CYP4X1: variants seen among roughly 807,000 people sequenced by gnomAD.
CYP4X1 encodes the protein cytochrome P450 4X1.
A neutral mutation model predicts 57.9 loss-of-function variants in CYP4X1; 44 were observed. That is an observed-to-expected ratio of 0.76 (90% CI 0.60 to 0.98). The LOEUF (loss-of-function observed/expected upper bound fraction) is 0.98. Ranked by LOEUF, CYP4X1 falls within the 50% of genes least tolerant of loss-of-function variation. The probability of loss-of-function intolerance (pLI) is 0.00; values close to 1 mark genes in which losing one functional copy is unlikely to be tolerated. For synonymous variants in CYP4X1, 227 were observed against 228.6 expected, an observed-to-expected ratio of 0.99 and a Z score of 0.06; for missense variants, 532 against 623.9, an observed-to-expected ratio of 0.85 and a Z score of 1.57.
chr1:46,977,383 A>G, the CYP4X1 span, among the ~76,000 whole-genome samples: 1 of 152,150 alleles, frequency 6.6e-6, no homozygotes, highest in African/African-American at 2.4e-5. Context: ...TCAGTGATTG[A>G]AGATCAAATT....
the CYP4X1 span, chr1:46,967,814 T>C: frequency 7.4e-7 from 1 of 1,344,510 alleles, no homozygotes; most frequent in Non-Finnish European, 9.8e-7. Flanking sequence ...CGGAGCAGGG[T>C]CAGGGCCATG....
chr1:46,986,794 A>T, the CYP4X1 span, among the ~76,000 whole-genome samples: 2 of 150,776 alleles, frequency 1.3e-5, no homozygotes, highest in African/African-American at 2.4e-5. Flanking sequence ...TCATAAGTGA[A>T]GGAGAAATAA....
the CYP4X1 span, among the ~76,000 whole-genome samples, chr1:46,980,543 C>T: frequency 6.6e-6 from 1 of 152,118 alleles, no homozygotes; most frequent in African/African-American, 2.4e-5. Flanking sequence ...GTGAAAATGG[C>T]CATACTGCCC....
At chr1:47,024,966 A>G (rs546307831) in intron 1 of CYP4X1, among the ~76,000 whole-genome samples, 80 of 152,334 alleles carry the variant, frequency 5.3e-4, no homozygotes, top group African/African-American at 1.9e-3. Context: ...TTTGTAAAAT[A>G]GTATTACCAT....
At position 47,023,675 on chromosome 1, in the gene CYP4X1, T is replaced by C. The variant is rs1016295112; in HGVS notation, c.-143T>C. ...GGCCTGAGCTGCCCCTCCCACTGCC[T>C]TTCCTTCTTCCCGCGAGTCAGAAGC... On this transcript the variant is annotated 5_prime_UTR_variant, in exon 1 of 12. Transcript: ENST00000371901. 8.4e-6 allele frequency: 12 copies of C among 1,426,228 alleles called. No individual in the cohort carries two copies. The Admixed American group carries it at 2.3e-4, about 27-fold the overall frequency. The allele number at this position is 1,426,228 out of a possible 1,614,324, so 88.3% of individuals were successfully genotyped here. A position where few individuals can be genotyped will look rare whatever the true frequency, so the allele number is the denominator to read the frequency against.
chr1:47,037,240 G>A (rs889879145), intron 6 of CYP4X1, among the ~76,000 whole-genome samples: 2 of 147,602 alleles, frequency 1.4e-5, no homozygotes, highest in African/African-American at 2.5e-5. Context: ...AATATTAAAT[G>A]TTAAATTTAT....
At chr1:47,054,770 G>T (rs1417272327), downstream of CYP4X1, among the ~76,000 whole-genome samples, 6 of 152,178 alleles carry the variant, frequency 3.9e-5, no homozygotes, top group Admixed American at 2.0e-4. Flanking sequence ...CATTGATTTT[G>T]TATCCTGAGA....
At chr1:47,052,718 T>G (rs2202219), downstream of CYP4X1, among the ~76,000 whole-genome samples, 63,557 of 151,914 alleles carry the variant, frequency 0.42, 14,636 homozygotes, top group East Asian at 0.97. Context: ...GAAAACAAAT[T>G]GTGTTTGCCC....
chr1:46,971,259 C>T, the CYP4X1 span, among the ~76,000 whole-genome samples: 1 of 152,154 alleles, frequency 6.6e-6, no homozygotes, highest in African/African-American at 2.4e-5. Context: ...TGATCTCATT[C>T]TTTTTATGGC....
the CYP4X1 span, among the ~76,000 whole-genome samples, chr1:47,011,153 A>G: frequency 2.0e-5 from 3 of 152,248 alleles, no homozygotes; most frequent in Admixed American, 2.0e-4. Flanking sequence ...TCTGACTTCA[A>G]GCTATACTAC....
At chr1:47,019,145 T>C (rs1364705957), upstream of CYP4X1, among the ~76,000 whole-genome samples, 4 of 152,248 alleles carry the variant, frequency 2.6e-5, no homozygotes, top group Admixed American at 6.5e-5. Context: ...TAAAGACATA[T>C]GTGATTAACT....
the CYP4X1 span, among the ~76,000 whole-genome samples, chr1:46,963,110 A>G: frequency 1.3e-5 from 2 of 152,050 alleles, no homozygotes; most frequent in Non-Finnish European, 2.9e-5. Context: ...TGTTTGGTAG[A>G]TCTTCCTCCA....
At chr1:47,045,756 A>T (rs567046598) in intron 8 of CYP4X1, among the ~76,000 whole-genome samples, 1 of 152,120 alleles carries the variant, frequency 6.6e-6, no homozygotes, top group African/African-American at 2.4e-5. Context: ...TCAAGAGGAA[A>T]CTCCCTTTCT....
In CYP4X1 at chr1:47,023,678, C is replaced by A; in HGVS notation, c.-140C>A. 7.0e-7 allele frequency: 1 copy of A among 1,427,554 alleles called. No individual in the cohort carries two copies. The highest frequency in any genetic ancestry group is 9.1e-7 in the Non-Finnish European group (1 of 1,094,084). The allele number at this position is 1,427,554 out of a possible 1,614,324, so 88.4% of individuals were successfully genotyped here. A position where few individuals can be genotyped will look rare whatever the true frequency, so the allele number is the denominator to read the frequency against. The stretch of plus-strand genomic sequence containing the variant: ...CTGAGCTGCCCCTCCCACTGCCTTT[C>A]CTTCTTCCCGCGAGTCAGAAGCTTC... On this transcript the variant is annotated 5_prime_UTR_variant, in exon 1 of 12. Transcript: ENST00000371901.
chr1:46,984,375 T>C, the CYP4X1 span, among the ~76,000 whole-genome samples: 21 of 28,630 alleles, frequency 7.3e-4, no homozygotes, highest in African/African-American at 3.2e-3. Flanking sequence ...TGCTCTGCCT[T>C]TAAAAAAAAA....
At chr1:47,031,560 A>G (rs979923391) in intron 3 of CYP4X1, 80 bp downstream of exon 3, 15 of 1,507,310 alleles carry the variant, frequency 1.0e-5, no homozygotes, top group Non-Finnish European at 1.4e-5. Context: ...AAAGAAACTG[A>G]AATCTGAATT....
At chr1:47,026,484 G>A (rs189863392) in intron 1 of CYP4X1, among the ~76,000 whole-genome samples, 6 of 152,184 alleles carry the variant, frequency 3.9e-5, no homozygotes, top group East Asian at 3.9e-4. Flanking sequence ...TGAGTCCCCC[G>A]CACTTTGGTA....
the CYP4X1 span, among the ~76,000 whole-genome samples, chr1:46,985,087 G>T: frequency 6.6e-6 from 1 of 152,192 alleles, no homozygotes; most frequent in African/African-American, 2.4e-5. Context: ...AAACTAAGCA[G>T]CAGGGAAGTT....
the CYP4X1 span, among the ~76,000 whole-genome samples, chr1:46,982,162 T>G: frequency 1.3e-5 from 2 of 152,314 alleles, no homozygotes; most frequent in South Asian, 4.1e-4. Context: ...TGTGTAATAA[T>G]AAAATTATTG....
Sources: allele counts gnomAD v4.1 joint callset (sites outside exome capture counted in the v4.1 genomes callset), GRCh38; gene constraint gnomAD v4.1.1; transcripts MANE v1.5; gene names NCBI Gene and HGNC (gene_info 2026-07-23, HGNC 2026-07-21).